Variants in MACROD2 observed in about 807,000 individuals in gnomAD.
MACROD2 encodes ADP-ribose glycohydrolase MACROD2.
MACROD2 carries 36 observed loss-of-function variants against 70.4 expected under a neutral mutation model. The observed-to-expected ratio is 0.51, with a 90% CI of 0.39 to 0.68. The LOEUF (loss-of-function observed/expected upper bound fraction) is 0.68. Among genes scored for constraint, MACROD2 ranks in the 30% least tolerant of loss-of-function variants. MACROD2 has a pLI of 0.00. For missense variants in MACROD2, 496 were observed against 538.4 expected, an observed-to-expected ratio of 0.92 and a Z score of 0.78; for synonymous variants, 172 against 178.8, an observed-to-expected ratio of 0.96 and a Z score of 0.30.
At chr20:15,801,293 T>C (rs1253660553) in intron 8 of MACROD2, among the ~76,000 whole-genome samples, 4 of 150,596 alleles carry the variant, frequency 2.7e-5, no homozygotes, top group Non-Finnish European at 4.4e-5. Flanking sequence ...GAGGGAGTAA[T>C]GTACAAGTTG....
intron 8 of MACROD2, among the ~76,000 whole-genome samples, chr20:15,532,822 C>A (rs2047823139): frequency 6.6e-6 from 1 of 151,944 alleles, no homozygotes; most frequent in South Asian, 2.1e-4. Flanking sequence ...CTGGCATGAG[C>A]AAGTATCTTA....
chr20:14,740,330 C>T (rs959636867), intron 5 of MACROD2, among the ~76,000 whole-genome samples: 5 of 152,046 alleles, frequency 3.3e-5, no homozygotes, highest in Admixed American at 6.6e-5. Context: ...AAAACTCAAA[C>T]GCTGGTCTGT....
At chr20:15,898,549 TAAAAAA>T (rs10678216) in intron 10 of MACROD2, among the ~76,000 whole-genome samples, 12 of 94,530 alleles carry the variant, frequency 1.3e-4, no homozygotes, top group African/African-American at 5.1e-4. Flanking sequence ...AGACTCAGTC[TAAAAAA>T]AAAAAAAAAA....
intron 5 of MACROD2, among the ~76,000 whole-genome samples, chr20:14,933,388 T>A (rs1487264940): frequency 6.6e-6 from 1 of 152,210 alleles, no homozygotes; most frequent in African/African-American, 2.4e-5. Flanking sequence ...GATATATTTT[T>A]AAAGTTTTTG....
At chr20:14,675,829 G>A (rs2070853839) in intron 4 of MACROD2, among the ~76,000 whole-genome samples, 1 of 151,974 alleles carries the variant, frequency 6.6e-6, no homozygotes, top group Admixed American at 6.6e-5. Context: ...ACACACATAG[G>A]CTCAAAATAA....
intron 3 of MACROD2, among the ~76,000 whole-genome samples, chr20:14,442,971 C>T (rs917552603): frequency 4.0e-5 from 6 of 151,438 alleles, no homozygotes; most frequent in Non-Finnish European, 8.8e-5. Context: ...CCTAGCTACT[C>T]GGGAGGCTGA....
At chr20:14,067,621 A>G (rs1042051268) in intron 2 of MACROD2, among the ~76,000 whole-genome samples, 5 of 152,242 alleles carry the variant, frequency 3.3e-5, no homozygotes, top group African/African-American at 1.2e-4. Context: ...GTGTATTCAT[A>G]TCACAATTTT....
At chr20:14,512,566 G>A (rs888511174) in intron 4 of MACROD2, among the ~76,000 whole-genome samples, 10 of 152,086 alleles carry the variant, frequency 6.6e-5, no homozygotes, top group African/African-American at 1.9e-4. Flanking sequence ...ATGAGACCTC[G>A]CTGCCCAGAA....
At chr20:14,367,265 A>T (rs2083281315) in intron 3 of MACROD2, among the ~76,000 whole-genome samples, 1 of 152,208 alleles carries the variant, frequency 6.6e-6, no homozygotes, top group Non-Finnish European at 1.5e-5. Context: ...TTATTGTTTT[A>T]TGCATCTGTC....
chr20:14,004,023 C>G (rs2052775778), intron 2 of MACROD2, among the ~76,000 whole-genome samples: 1 of 152,098 alleles, frequency 6.6e-6, no homozygotes, highest in Admixed American at 6.5e-5. Flanking sequence ...TCGAGTATCC[C>G]TTATCCAAAA....
intron 5 of MACROD2, among the ~76,000 whole-genome samples, chr20:15,046,762 G>A (rs1306568631): frequency 6.6e-6 from 1 of 152,114 alleles, no homozygotes; most frequent in Non-Finnish European, 1.5e-5. Flanking sequence ...CACCTGTCCA[G>A]TTGGCCTCTC....
At chr20:15,355,679 G>C (rs1234356017) in intron 6 of MACROD2, among the ~76,000 whole-genome samples, 1 of 152,106 alleles carries the variant, frequency 6.6e-6, no homozygotes, top group Non-Finnish European at 1.5e-5. Context: ...CCAGTCCCCT[G>C]AAATAATCTA....
intron 5 of MACROD2, among the ~76,000 whole-genome samples, chr20:14,816,595 A>G (rs570298080): frequency 6.6e-6 from 1 of 152,062 alleles, no homozygotes; most frequent in Non-Finnish European, 1.5e-5. Context: ...TTTTTTATTT[A>G]TATGTGTGTG....
intron 5 of MACROD2, among the ~76,000 whole-genome samples, chr20:14,777,672 G>A (rs1383442805): frequency 6.6e-6 from 1 of 151,968 alleles, no homozygotes; most frequent in South Asian, 2.1e-4. Flanking sequence ...TAATGATTAG[G>A]TAACTAGTGG....
At chr20:15,402,383 A>C (rs1043294855) in intron 6 of MACROD2, among the ~76,000 whole-genome samples, 3 of 152,240 alleles carry the variant, frequency 2.0e-5, no homozygotes, top group Admixed American at 6.5e-5. Context: ...AATGCAATTA[A>C]ATTGCCTATT....
intron 3 of MACROD2, among the ~76,000 whole-genome samples, chr20:14,163,407 T>C (rs995061109): frequency 6.6e-6 from 1 of 152,150 alleles, no homozygotes; most frequent in African/African-American, 2.4e-5. Context: ...TTTTGACAGT[T>C]TGACTATAAT....
rs150478507 is a variant in MACROD2, at chr20:14,426,519, G to A, written c.272-66960G>A. Among the ~76,000 whole-genome samples, 18 of 152,198 alleles carry A rather than the reference G, an allele frequency of 1.2e-4. No homozygotes were observed. In the East Asian group the frequency reaches 3.5e-3, roughly 29 times the overall value. The stretch of plus-strand genomic sequence containing the variant: ...TTCATATTAGTGACTTTCCTCAGAT[G>A]TCTTGTAGTCTTTTGCTTATCCACT... On this transcript the variant is annotated intron_variant, in intron 3 of 17. Transcript: ENST00000684519.
chr20:14,295,504 C>T (rs1401778763), intron 3 of MACROD2, among the ~76,000 whole-genome samples: 2 of 150,626 alleles, frequency 1.3e-5, no homozygotes, highest in African/African-American at 4.9e-5. Context: ...GAGGCGGAGA[C>T]TGGAGTTAGG....
chr20:14,360,685 A>G (rs6074720), intron 3 of MACROD2, among the ~76,000 whole-genome samples: 1 of 152,046 alleles, frequency 6.6e-6, no homozygotes, highest in African/African-American at 2.4e-5. Context: ...AGCTATAAAG[A>G]CCTCATTACT....
Sources: allele counts gnomAD v4.1 joint callset (sites outside exome capture counted in the v4.1 genomes callset), GRCh38; gene constraint gnomAD v4.1.1; transcripts MANE v1.5; gene names NCBI Gene and HGNC (gene_info 2026-07-23, HGNC 2026-07-21).